The following RBMS3 variants were observed in gnomAD, a reference collection of about 807,000 sequenced individuals.
RBMS3 encodes RNA binding motif single stranded interacting protein 3.
A neutral mutation model predicts 66.8 loss-of-function variants in RBMS3; 27 were observed. The ratio of observed to expected loss-of-function variants is 0.40; its 90% confidence interval spans 0.30 to 0.56. RBMS3 has a LOEUF of 0.56. Among genes scored for constraint, RBMS3 ranks in the 20% least tolerant of loss-of-function variants. RBMS3 has a pLI of 0.40. For missense variants in RBMS3, 513 were observed against 549.5 expected, an observed-to-expected ratio of 0.93 and a Z score of 0.66; for synonymous variants, 188 against 183.0, an observed-to-expected ratio of 1.03 and a Z score of -0.22.
intron 1 of RBMS3, among the ~76,000 whole-genome samples, chr3:29,348,172 G>A (rs1322250668): frequency 6.6e-6 from 1 of 152,114 alleles, no homozygotes; most frequent in South Asian, 2.1e-4. Flanking sequence ...TAAGTGTAGG[G>A]TCTCTTTATC....
At chr3:29,973,740 C>T (rs1459002964) in intron 12 of RBMS3, among the ~76,000 whole-genome samples, 1 of 151,900 alleles carries the variant, frequency 6.6e-6, no homozygotes, top group African/African-American at 2.4e-5. Context: ...TTACTGTGCT[C>T]ACTCTAAATC....
intron 3 of RBMS3, among the ~76,000 whole-genome samples, chr3:29,544,387 T>A (rs2045871694): frequency 6.6e-6 from 1 of 151,608 alleles, no homozygotes; most frequent in Admixed American, 6.6e-5. Flanking sequence ...TCTTACAAAT[T>A]TGTTTTTTTT....
chr3:29,701,959 G>A lies in RBMS3; in HGVS notation c.400-37761G>A, dbSNP rs936353584. ...GTGGGACTGGTGGGCAGCTCTGCCCGCGGCCGTGGCGCGGGATCCACTAAG... is the reference window on the plus strand; with the variant it reads ...GTGGGACTGGTGGGCAGCTCTGCCCACGGCCGTGGCGCGGGATCCACTAAG... On this transcript the variant is annotated intron_variant, in intron 4 of 14. Transcript: ENST00000383767. Among the ~76,000 whole-genome samples the A allele has an allele frequency of 5.9e-5, 9 of 152,310 alleles. No homozygotes were observed. In the East Asian group the frequency reaches 9.7e-4, roughly 16 times the overall value.
chr3:29,757,960 C>T (rs987692167), intron 5 of RBMS3, among the ~76,000 whole-genome samples: 5 of 152,106 alleles, frequency 3.3e-5, no homozygotes, highest in South Asian at 2.1e-4. Context: ...CTCTGATCTG[C>T]GATAATTTCT....
intron 2 of RBMS3, among the ~76,000 whole-genome samples, chr3:29,475,314 T>C (rs2125807999): frequency 6.6e-6 from 1 of 151,654 alleles, no homozygotes; most frequent in East Asian, 1.9e-4. Flanking sequence ...AATGGCGTGA[T>C]CTTGTCTCAC....
chr3:29,584,457 C>A (rs928900909), intron 3 of RBMS3, among the ~76,000 whole-genome samples: 3 of 152,084 alleles, frequency 2.0e-5, no homozygotes, highest in African/African-American at 7.2e-5. Flanking sequence ...TTTCCAATTT[C>A]ATCTCCATTT....
intron 1 of RBMS3, among the ~76,000 whole-genome samples, chr3:29,352,261 A>T (rs114951105): frequency 0.01 from 1,585 of 152,130 alleles, 35 homozygotes; most frequent in African/African-American, 0.036. Context: ...TTTATGGATA[A>T]TTCATTTGGG....
chr3:29,396,122 G>A (rs532203618), intron 1 of RBMS3, among the ~76,000 whole-genome samples: 27 of 152,232 alleles, frequency 1.8e-4, no homozygotes, highest in South Asian at 6.2e-4. Context: ...TATGGATAGA[G>A]GCGCAGCTGG....
chr3:29,422,532 G>T (rs532052434), intron 1 of RBMS3, among the ~76,000 whole-genome samples: 145 of 152,002 alleles, frequency 9.5e-4, no homozygotes, highest in African/African-American at 3.3e-3. Flanking sequence ...GAAAATGGGA[G>T]TCCTCATAGA....
At chr3:29,933,580 C>G (rs1018588265) in intron 10 of RBMS3, among the ~76,000 whole-genome samples, 1 of 152,092 alleles carries the variant, frequency 6.6e-6, no homozygotes, top group African/African-American at 2.4e-5. Flanking sequence ...ATTGTTTTCA[C>G]TGAATGTTTT....
At chr3:29,667,934 G>A (rs1040890124) in intron 4 of RBMS3, among the ~76,000 whole-genome samples, 3 of 151,876 alleles carry the variant, frequency 2.0e-5, no homozygotes, top group Non-Finnish European at 2.9e-5. Flanking sequence ...TTAGAAAATC[G>A]AGTAAGAAGT....
At position 29,946,810 on chromosome 3, in the gene RBMS3, AG is replaced by A. The variant is rs559315087; in HGVS notation, c.1098+2557del. On this transcript the variant is annotated intron_variant, in intron 12 of 14. Transcript: ENST00000383767. ...AACAATCCATAGAATTTTGAGGGGT[AG>A]TAGTGGGGGTTCATTTGAAGCTATG... 4.0e-5 allele frequency among the ~76,000 whole-genome samples: 6 copies of A among 151,746 alleles called. 1 individual carries two copies. In the South Asian group the frequency reaches 1.2e-3, roughly 31 times the overall value.
chr3:29,767,073 A>G (rs963326518), intron 6 of RBMS3: 1 of 151,976 alleles, frequency 6.6e-6, no homozygotes, highest in African/African-American at 2.4e-5. Context: ...GCAATGTTGT[A>G]TAGCCCCAAA....
At chr3:29,985,484 C>G (rs908503551) in intron 12 of RBMS3, among the ~76,000 whole-genome samples, 1 of 152,038 alleles carries the variant, frequency 6.6e-6, no homozygotes, top group Non-Finnish European at 1.5e-5. Context: ...GGTGTAGGCA[C>G]CCAAGAGAAT....
At chr3:29,539,714 A>G (rs896876713) in intron 3 of RBMS3, among the ~76,000 whole-genome samples, 1 of 152,172 alleles carries the variant, frequency 6.6e-6, no homozygotes, top group Non-Finnish European at 1.5e-5. Context: ...GTGAAATGTT[A>G]TTCTATTTTT....
At chr3:29,550,740 C>T (rs1199219481) in intron 3 of RBMS3, among the ~76,000 whole-genome samples, 1 of 151,952 alleles carries the variant, frequency 6.6e-6, no homozygotes, top group Non-Finnish European at 1.5e-5. Context: ...TAAATGGGAG[C>T]ACTGTGTTTT....
chr3:29,635,313 C>A (rs541317146), intron 4 of RBMS3, among the ~76,000 whole-genome samples: 1 of 151,876 alleles, frequency 6.6e-6, no homozygotes, highest in Non-Finnish European at 1.5e-5. Flanking sequence ...CTCAGACAAA[C>A]CTGCTCTTTC....
intron 1 of RBMS3, among the ~76,000 whole-genome samples, chr3:29,426,205 A>C (rs886394667): frequency 6.6e-6 from 1 of 152,342 alleles, no homozygotes; most frequent in Non-Finnish European, 1.5e-5. Flanking sequence ...TAAAGAGATA[A>C]AAAATTAGTC....
At chr3:29,481,409 T>C (rs1322022748) in intron 2 of RBMS3, among the ~76,000 whole-genome samples, 3 of 152,172 alleles carry the variant, frequency 2.0e-5, no homozygotes, top group African/African-American at 7.2e-5. Context: ...AGATCAACTA[T>C]GCATGAACAA....
Sources: allele counts gnomAD v4.1 joint callset (sites outside exome capture counted in the v4.1 genomes callset), GRCh38; gene constraint gnomAD v4.1.1; transcripts MANE v1.5; gene names NCBI Gene and HGNC (gene_info 2026-07-23, HGNC 2026-07-21).